Variants in UGT3A2 observed in about 807,000 individuals in gnomAD.
The protein encoded by UGT3A2 is UDP-glycosyltransferase 3A2.
A neutral mutation model predicts 39.8 loss-of-function variants in UGT3A2; 32 were observed. The observed-to-expected ratio is 0.80, with a 90% confidence interval of 0.61 to 1.08. The LOEUF (loss-of-function observed/expected upper bound fraction) is 1.08, where lower values mean the gene tolerates loss of function less well. UGT3A2 is among the 50% of genes least tolerant of loss of function. The pLI, the probability that UGT3A2 is intolerant of heterozygous loss-of-function variation, is 0.00. For synonymous variants in UGT3A2, 241 were observed against 230.7 expected (o/e 1.04, Z -0.40); for missense variants, 611 against 637.1 (o/e 0.96, Z 0.44).
chr5:36,046,826 T>C (rs1287279), intron 4 of UGT3A2, among the ~76,000 whole-genome samples: 140,864 of 152,286 alleles, frequency 0.92, 65,273 homozygotes, highest in South Asian at 0.99. Flanking sequence ...AATAATAAAG[T>C]AGTAATGCTC....
At chr5:36,060,649 G>A (rs1024233043) in intron 2 of UGT3A2, among the ~76,000 whole-genome samples, 20 of 152,140 alleles carry the variant, frequency 1.3e-4, no homozygotes, top group African/African-American at 4.8e-4. Flanking sequence ...TCATTTTTAC[G>A]TTCGTCATCC....
intron 1 of UGT3A2, 30 bp downstream of exon 1, chr5:36,066,666 T>A (rs1405697743): frequency 4.3e-6 from 7 of 1,613,512 alleles, no homozygotes; most frequent in Non-Finnish European, 5.1e-6. Flanking sequence ...GGGACGCGCC[T>A]GTCTGGGAAT....
intron 2 of UGT3A2, among the ~76,000 whole-genome samples, chr5:36,059,343 T>C (rs111809355): frequency 0.015 from 2,230 of 149,480 alleles, 47 homozygotes; most frequent in African/African-American, 0.052. Flanking sequence ...TGGGGAAGAA[T>C]TTGGTTATTT....
intron 2 of UGT3A2, among the ~76,000 whole-genome samples, chr5:36,054,905 C>T (rs1046986856): frequency 1.3e-5 from 2 of 152,142 alleles, no homozygotes; most frequent in African/African-American, 4.8e-5. Flanking sequence ...CAGTTTATTT[C>T]CTACTTGCAG....
chr5:36,049,392 G>C lies in UGT3A2; in HGVS notation c.340C>G (p.Leu114Val). The change falls in exon 4 of 7, where the codon CTA becomes GTA. Residue 114 changes from leucine to valine, a missense_variant. Leu to Val is a conservative substitution (Grantham distance 32, BLOSUM62 1). Transcript: ENST00000282507. The stretch of plus-strand genomic sequence containing the variant: ...CTGCACTGCAACGCCAAGTATTCTA[G>C]AACATTTAATAAGTTTTCAAATTTT... Reference protein sequence around the residue: ...RGKFENLLNVLEYLALQCSHF... With the variant: ...RGKFENLLNVVEYLALQCSHF... The C allele has an allele frequency of 1.3e-6, 2 of 1,572,514 alleles. No individual in the cohort carries two copies. The highest frequency in any genetic ancestry group is 1.7e-6 in the Non-Finnish European group (2 of 1,164,480).
intron 5 of UGT3A2, 68 bp from the exon 6 acceptor site, chr5:36,038,084 A>G: frequency 6.7e-7 from 1 of 1,499,140 alleles, no homozygotes. Context: ...GCAGAGATGA[A>G]GGGGATAAGA....
intron 4 of UGT3A2, among the ~76,000 whole-genome samples, chr5:36,040,353 C>G (rs991347506): frequency 5.3e-5 from 8 of 152,150 alleles, no homozygotes; most frequent in South Asian, 4.2e-4. Context: ...ATTTTGCCCC[C>G]CGAAGGAATA....
intron 6 of UGT3A2, 97 bp downstream of exon 6, chr5:36,037,700 C>G: frequency 1.5e-6 from 2 of 1,327,048 alleles, no homozygotes. Flanking sequence ...TAATCTAAAG[C>G]AAAACAAAAC....
intron 4 of UGT3A2, among the ~76,000 whole-genome samples, chr5:36,040,950 C>A (rs1321229426): frequency 6.6e-6 from 1 of 152,106 alleles, no homozygotes; most frequent in East Asian, 1.9e-4. Flanking sequence ...AATGTGGGTA[C>A]TAGTTTAGCT....
intron 2 of UGT3A2, among the ~76,000 whole-genome samples, chr5:36,056,512 G>A (rs1191711343): frequency 2.0e-5 from 3 of 152,228 alleles, no homozygotes; most frequent in African/African-American, 7.2e-5. Context: ...CATGGAATTT[G>A]TTGCGTTATG....
chr5:36,061,989 C>G (rs543832649), intron 2 of UGT3A2, among the ~76,000 whole-genome samples: 22 of 151,502 alleles, frequency 1.5e-4, no homozygotes, highest in Admixed American at 3.3e-4. Context: ...TCTCTGATGG[C>G]CAGTGACGAT....
chr5:36,052,425 T>C (rs1742373460), intron 2 of UGT3A2, among the ~76,000 whole-genome samples: 1 of 152,208 alleles, frequency 6.6e-6, no homozygotes, highest in Admixed American at 6.5e-5. Flanking sequence ...TCAACTTGCC[T>C]GCTTGGCCCC....
In UGT3A2 at chr5:36,037,129, G is replaced by A. The variant is rs575812613; in HGVS notation, c.1295+668C>T. Reference sequence around the variant, plus strand: ...AATAATAAATGAAAACACAAGCTGCGCATGGTGGCTTATGTAATCCCAGCT... The same window carrying A: ...AATAATAAATGAAAACACAAGCTGCACATGGTGGCTTATGTAATCCCAGCT... On this transcript the variant is annotated intron_variant, in intron 6 of 6. Coordinates refer to ENST00000282507, the MANE Select transcript of UGT3A2 (RefSeq NM_174914.4). Among the ~76,000 whole-genome samples, 7 of 152,280 alleles carry A rather than the reference G, an allele frequency of 4.6e-5. No homozygotes were observed. In the East Asian group the frequency reaches 5.8e-4, roughly 13 times the overall value.
intron 4 of UGT3A2, 49 bp from the exon 5 acceptor site, chr5:36,039,757 G>A: frequency 6.5e-7 from 1 of 1,527,638 alleles, no homozygotes; most frequent in South Asian, 1.1e-5. Flanking sequence ...ATTGGTGAAA[G>A]CCTAGTTGAC....
chr5:36,062,815 G>A (rs1443185382), intron 2 of UGT3A2, among the ~76,000 whole-genome samples: 2 of 152,164 alleles, frequency 1.3e-5, no homozygotes, highest in Non-Finnish European at 2.9e-5. Flanking sequence ...CAAGGCAGGA[G>A]GATTACCTGA....
At chr5:36,040,784 C>G (rs1040676010) in intron 4 of UGT3A2, among the ~76,000 whole-genome samples, 1 of 152,186 alleles carries the variant, frequency 6.6e-6, no homozygotes, top group East Asian at 1.9e-4. Context: ...ACTAAAATCC[C>G]TGGAGTGCAC....
intron 4 of UGT3A2, among the ~76,000 whole-genome samples, chr5:36,048,646 G>GGT (rs1335179897): frequency 2.0e-5 from 3 of 152,300 alleles, no homozygotes; most frequent in Admixed American, 6.5e-5. Flanking sequence ...CTAGGACTAG[G>GGT]GTGTGGCAAG....
At position 36,039,534 on chromosome 5, in the gene UGT3A2, C is replaced by G; in HGVS notation, c.1018G>C (p.Val340Leu). 1 of 1,614,200 alleles carries G rather than the reference C, an allele frequency of 6.2e-7. No individual in the cohort carries two copies. Reference protein sequence around the residue: ...KCQCSHWPKDVHLAANVKIVD... With the variant: ...KCQCSHWPKDLHLAANVKIVD... Reference sequence around the variant, plus strand: ...ATTTTCACATTTGCAGCCAGGTGGACATCTTTGGGCCAATGAGAACACTGA... The same window carrying G: ...ATTTTCACATTTGCAGCCAGGTGGAGATCTTTGGGCCAATGAGAACACTGA... Residue 340 changes from valine (V) to leucine (L), a missense_variant, in exon 5 of 7, where the codon GTC (valine) becomes CTC (leucine). Coordinates refer to ENST00000282507, the MANE Select transcript of UGT3A2 (RefSeq NM_174914.4).
chr5:36,050,091 G>A (rs1335042680), intron 3 of UGT3A2, among the ~76,000 whole-genome samples: 6 of 149,256 alleles, frequency 4.0e-5, no homozygotes, highest in Non-Finnish European at 5.9e-5. Flanking sequence ...ACTTTTATTC[G>A]TTATTGTTAT....
Sources: allele counts gnomAD v4.1 joint callset (sites outside exome capture counted in the v4.1 genomes callset), GRCh38; gene constraint gnomAD v4.1.1; transcripts MANE v1.5; gene names NCBI Gene and HGNC (gene_info 2026-07-23, HGNC 2026-07-21).